Variants in LMO3 observed in about 807,000 individuals in gnomAD.
LMO3 encodes LIM domain only protein 3.
A neutral mutation model predicts 15.8 loss-of-function variants in LMO3; 2 were observed. That is an observed-to-expected ratio of 0.13 (90% CI 0.05 to 0.40). The LOEUF is 0.40. Ranked by LOEUF, LMO3 falls within the 10% of genes least tolerant of loss-of-function variation. The pLI, the probability that LMO3 is intolerant of heterozygous loss-of-function variation, is 0.99. For missense variants in LMO3, 86 were observed against 182.2 expected (o/e 0.47, Z 3.04); for synonymous variants, 62 against 63.8 (o/e 0.97, Z 0.13).
upstream of LMO3, chr12:16,606,753 C>G (rs1384030563): frequency 6.6e-6 from 1 of 152,174 alleles, no homozygotes; most frequent in Non-Finnish European, 1.5e-5. Context: ...TACTCACAAA[C>G]GCTGGGGACA....
At position 16,603,716 on chromosome 12, in the gene LMO3, G is replaced by A. The variant is rs1338167505; in HGVS notation, c.-9+2350C>T. Among the ~76,000 whole-genome samples the A allele has an allele frequency of 6.6e-6, 1 of 152,186 alleles. No homozygotes were observed. Among genetic ancestry groups the A allele is most frequent in the African/African-American group, 2.4e-5 (1 of 41,440 alleles). On this transcript the variant is annotated intron_variant, in intron 1 of 3. Transcript: ENST00000537304. This position sits in a 1 kb window ranked among gnomAD's most constrained non-coding sequence, Gnocchi z 4.9. ...CTTTTAATTGCCTGGATTGCATTGTGAAGCGGCCTAACGGTTGATTGCCTC... is the reference window on the plus strand; with the variant it reads ...CTTTTAATTGCCTGGATTGCATTGTAAAGCGGCCTAACGGTTGATTGCCTC...
At chr12:16,594,217 T>C (rs1943578196) in intron 2 of LMO3, 9 of 1,532,684 alleles carry the variant, frequency 5.9e-6, no homozygotes, top group Non-Finnish European at 2.6e-6. Flanking sequence ...TTCCAATCTC[T>C]GTATGTGCAG....
chr12:16,590,603 TA>T (rs1285946453), intron 2 of LMO3, among the ~76,000 whole-genome samples: 4,064 of 147,940 alleles, frequency 0.027, 181 homozygotes, highest in African/African-American at 0.093. Context: ...ACCTAAGAAT[TA>T]AAAAAAAAAA....
At position 16,582,869 on chromosome 12, in the gene LMO3, G is replaced by A. The variant is rs530205691; in HGVS notation, c.206+17786C>T. On this transcript the variant is annotated intron_variant, in intron 2 of 3. Coordinates refer to ENST00000537304, the MANE Select transcript of LMO3 (RefSeq NM_018640.5). The surrounding 1 kb of genome is among the most constrained non-coding windows in gnomAD (Gnocchi z 4.1). ...TCGAGACCAGCCTGGCCAACATGGC[G>A]AAACCCCGTCTCTACTAAAATAAAA... is the stretch of plus-strand genomic sequence containing the variant. 7.4e-4 allele frequency among the ~76,000 whole-genome samples: 113 copies of A among 152,068 alleles called. 2 individuals carry two copies. The highest frequency in any genetic ancestry group is 2.6e-3 in the African/African-American group (108 of 41,508).
At chr12:16,557,385 T>TA (rs2137301350) in intron 3 of LMO3, among the ~76,000 whole-genome samples, 1 of 150,682 alleles carries the variant, frequency 6.6e-6, no homozygotes, top group Non-Finnish European at 1.5e-5. Flanking sequence ...TTTTTTTTTT[T>TA]AAACGTAATT....
chr12:16,598,454 T>C lies in LMO3; in HGVS notation c.206+2201A>G, dbSNP rs768214757. On this transcript the variant is annotated intron_variant, in intron 2 of 3. Coordinates refer to ENST00000537304, the MANE Select transcript of LMO3 (RefSeq NM_018640.5). This position sits in a 1 kb window ranked among gnomAD's most constrained non-coding sequence, Gnocchi z 4.3. Reference sequence around the variant, plus strand: ...GCCATTAATGTGGTAATGACCAATTTAAGCGGAAATCGTACTCTGAGAAAT... The same window carrying C: ...GCCATTAATGTGGTAATGACCAATTCAAGCGGAAATCGTACTCTGAGAAAT... The C allele has an allele frequency of 2.6e-5, 4 of 152,126 alleles. No individual in the cohort carries two copies. Among genetic ancestry groups the C allele is most frequent in the Non-Finnish European group, 4.4e-5 (3 of 68,006 alleles). The allele number at this position is 152,126 out of a possible 1,614,324, so 9.4% of individuals were successfully genotyped here.
chr12:16,594,220 A>T (rs536544088), intron 2 of LMO3: 1 of 1,532,484 alleles, frequency 6.5e-7, no homozygotes, highest in Non-Finnish European at 8.7e-7. Context: ...CAATCTCTGT[A>T]TGTGCAGCAT....
At chr12:16,558,871 C>A (rs1942289099) in intron 3 of LMO3, among the ~76,000 whole-genome samples, 1 of 152,084 alleles carries the variant, frequency 6.6e-6, no homozygotes. Flanking sequence ...TTAATTATTT[C>A]ATTTAAGTTT....
chr12:16,560,553 A>ATT lies in LMO3; in HGVS notation c.207-17_207-16dup, dbSNP rs3214385. ...CACCAAAGAGCCTAGAATAAGAAAC[A>ATT]TTTTTTTTTTTTTACAAACTCTTAC... On this transcript the variant is annotated splice_polypyrimidine_tract_variant and intron_variant, in intron 2 of 3. Transcript: ENST00000537304. The surrounding 1 kb of genome is among the most constrained non-coding windows in gnomAD (Gnocchi z 5.0). 0.011 allele frequency: 15,680 copies of ATT among 1,398,856 alleles called. 2 individuals are homozygous for ATT. Among genetic ancestry groups the ATT allele is most frequent in the South Asian group, 0.02 (1,555 of 76,542 alleles). The allele number at this position is 1,398,856 out of a possible 1,614,324, so 86.7% of individuals were successfully genotyped here.
In LMO3 at chr12:16,600,729, G is replaced by A. The variant is rs774513789; in HGVS notation, c.132C>T (p.Asp44=). 2 of 1,614,036 alleles carry A rather than the reference G, an allele frequency of 1.2e-6. No homozygotes were observed. Among genetic ancestry groups the A allele is most frequent in the African/African-American group, 2.7e-5 (2 of 74,918 alleles). The change falls in exon 2 of 4, where the codon GAC becomes GAT. Residue 44 remains aspartate (D), a synonymous_variant. Transcript: ENST00000537304. ...HEDCLKCACC[D]CRLGEVGSTL... is the part of the protein sequence containing the mutation. ...TGGAGCCCACCTCTCCCAAGCGACAGTCACAGCAGGCACACTTCAGGCAGT... is the reference window on the plus strand; with the variant it reads ...TGGAGCCCACCTCTCCCAAGCGACAATCACAGCAGGCACACTTCAGGCAGT...
At chr12:16,562,242 C>T (rs1300530234) in intron 2 of LMO3, among the ~76,000 whole-genome samples, 2 of 152,100 alleles carry the variant, frequency 1.3e-5, no homozygotes, top group Non-Finnish European at 2.9e-5. Flanking sequence ...TTAACATGAT[C>T]TGCTTAGGAG....
chr12:16,569,298 TG>T (rs1485466452), intron 2 of LMO3, among the ~76,000 whole-genome samples: 2 of 152,300 alleles, frequency 1.3e-5, no homozygotes, highest in Middle Eastern at 3.4e-3. Flanking sequence ...TATACTTCTT[TG>T]TTTTTCCCTG....
chr12:16,580,070 C>T (rs1331689881), intron 2 of LMO3, among the ~76,000 whole-genome samples: 2 of 152,078 alleles, frequency 1.3e-5, no homozygotes, highest in Non-Finnish European at 2.9e-5. Context: ...TTATGTATTT[C>T]CTGATATTAT....
At chr12:16,571,879 A>G (rs894994164) in intron 2 of LMO3, among the ~76,000 whole-genome samples, 3 of 152,066 alleles carry the variant, frequency 2.0e-5, no homozygotes, top group African/African-American at 7.2e-5. Context: ...GGGAAGGCAT[A>G]TAACTTTTAT....
At chr12:16,578,444 C>T (rs1404036831) in intron 2 of LMO3, among the ~76,000 whole-genome samples, 16 of 152,136 alleles carry the variant, frequency 1.1e-4, no homozygotes, top group Admixed American at 1.0e-3. Flanking sequence ...AGCAGTTGTG[C>T]TCTCTTTGGA....
rs2137591238 is a variant in LMO3 at position 16,587,806 on chromosome 12, G to T, written c.206+12849C>A. On this transcript the variant is annotated intron_variant, in intron 2 of 3. Transcript: ENST00000537304. This position sits in a 1 kb window ranked among gnomAD's most constrained non-coding sequence, Gnocchi z 4.3. ...TAAAAATCTCACTGTGTCCTGAATG[G>T]GGGGTTTCAGGGGGAGGGAGAGGAA... Among the ~76,000 whole-genome samples the T allele has an allele frequency of 6.6e-6, 1 of 151,958 alleles. No individual in the cohort carries two copies. Among genetic ancestry groups the T allele is most frequent in the South Asian group, 2.1e-4 (1 of 4,820 alleles).
intron 3 of LMO3, among the ~76,000 whole-genome samples, chr12:16,557,853 A>G (rs964287592): frequency 3.3e-5 from 5 of 152,056 alleles, no homozygotes; most frequent in African/African-American, 1.2e-4. Context: ...ATCAGCTACT[A>G]TATGGTGGTG....
At position 16,604,960 on chromosome 12, in the gene LMO3, G is replaced by A; in HGVS notation, c.-9+1106C>T. On this transcript the variant is annotated intron_variant, in intron 1 of 3. Coordinates refer to ENST00000537304, the MANE Select transcript of LMO3 (RefSeq NM_018640.5). This position sits in a 1 kb window ranked among gnomAD's most constrained non-coding sequence, Gnocchi z 5.3. ...ACCAAACCCAAAGGTAGAAGTAGAA[G>A]GGGGTCTCCTTGATTTCGCTTAAGT... 1 of 1,598,112 alleles carries A rather than the reference G, an allele frequency of 6.3e-7. No homozygotes were observed. The highest frequency in any genetic ancestry group is 8.5e-7 in the Non-Finnish European group (1 of 1,179,618).
chr12:16,553,213 C>A (rs1051574958), intron 3 of LMO3, among the ~76,000 whole-genome samples: 2 of 152,026 alleles, frequency 1.3e-5, no homozygotes, highest in African/African-American at 4.8e-5. Context: ...AGACTCCGTG[C>A]CAGAATTTCA....
Sources: gnomAD v4.1 joint callset for allele counts (sites outside exome capture counted in the v4.1 genomes callset) on GRCh38, gnomAD v4.1.1 for gene constraint, Gnocchi (gnomAD v3.1) non-coding constraint, MANE v1.5 for transcripts, NCBI Gene and HGNC (gene_info 2026-07-23, HGNC 2026-07-21) for gene names.